FOXP2: variants seen among roughly 807,000 people sequenced by gnomAD.
FOXP2 encodes forkhead box P2.
Under a neutral mutation model 115.8 loss-of-function variants are expected in FOXP2, and 12 were observed. The ratio of observed to expected loss-of-function variants is 0.10; its 90% CI spans 0.07 to 0.17. FOXP2 has a LOEUF of 0.17. FOXP2 is among the 10% of genes least tolerant of loss of function. The pLI is 1.00. For missense variants in FOXP2, 629 were observed against 843.5 expected (o/e 0.75, Z 3.15); for synonymous variants, 328 against 297.7 (o/e 1.10, Z -1.05).
At chr7:114,443,395 G>A (rs1384511538) in intron 2 of FOXP2, among the ~76,000 whole-genome samples, 3 of 152,038 alleles carry the variant, frequency 2.0e-5, no homozygotes, top group Non-Finnish European at 4.4e-5. Flanking sequence ...CACTTGTACT[G>A]ACAATCACTT....
At chr7:114,140,867 C>T (rs1792188499) in intron 1 of FOXP2, among the ~76,000 whole-genome samples, 3 of 152,192 alleles carry the variant, frequency 2.0e-5, no homozygotes. Flanking sequence ...TCAGCCTCAG[C>T]ATTTTGTTCT....
chr7:114,177,608 T>G (rs983289821), intron 1 of FOXP2, among the ~76,000 whole-genome samples: 9 of 152,084 alleles, frequency 5.9e-5, no homozygotes, highest in Non-Finnish European at 1.2e-4. Context: ...GAGAGTTTCT[T>G]TAAGATTATA....
rs537492842 is a variant in FOXP2 at position 114,433,837 on chromosome 7, T to A, written c.168+7158T>A. Among the ~76,000 whole-genome samples, 7 of 152,120 alleles carry A rather than the reference T, an allele frequency of 4.6e-5. No individual in the cohort carries two copies. In the East Asian group the frequency reaches 1.3e-3, roughly 29 times the overall value. On this transcript the variant is annotated intron_variant, in intron 2 of 16. Coordinates refer to ENST00000350908, the MANE Select transcript of FOXP2 (RefSeq NM_014491.4). The stretch of plus-strand genomic sequence containing the variant: ...AAGTGATGATTCCTAGTTAAAAGAC[T>A]GGCTTACATGAATATTAGTCATTAA...
At chr7:114,442,069 T>G (rs1410924625) in intron 2 of FOXP2, among the ~76,000 whole-genome samples, 3 of 152,172 alleles carry the variant, frequency 2.0e-5, no homozygotes, top group Non-Finnish European at 4.4e-5. Context: ...GCAGCATTAC[T>G]TATAATAGCA....
At chr7:114,147,108 G>A (rs1201049000) in intron 1 of FOXP2, among the ~76,000 whole-genome samples, 3 of 152,140 alleles carry the variant, frequency 2.0e-5, no homozygotes, top group African/African-American at 7.2e-5. Context: ...GGTATGTGAA[G>A]ATTTGGATTT....
At chr7:114,126,947 T>A (rs1459519307) in intron 1 of FOXP2, among the ~76,000 whole-genome samples, 1 of 152,158 alleles carries the variant, frequency 6.6e-6, no homozygotes, top group South Asian at 2.1e-4. Context: ...TATCTCATAG[T>A]TTTTGGGGTT....
At chr7:114,192,925 A>AT (rs552917211) in intron 1 of FOXP2, among the ~76,000 whole-genome samples, 96 of 152,258 alleles carry the variant, frequency 6.3e-4, no homozygotes, top group African/African-American at 2.1e-3. Context: ...ATGATGTTTT[A>AT]TTTGCTTTAT....
intron 1 of FOXP2, among the ~76,000 whole-genome samples, chr7:114,211,382 A>T (rs1195168316): frequency 6.6e-6 from 1 of 152,176 alleles, no homozygotes; most frequent in Non-Finnish European, 1.5e-5. Context: ...GGTTGCAAAG[A>T]TCCACGGGAA....
At chr7:114,288,478 T>C (rs2129176040) in intron 2 of FOXP2, among the ~76,000 whole-genome samples, 1 of 151,932 alleles carries the variant, frequency 6.6e-6, no homozygotes, top group Non-Finnish European at 1.5e-5. Flanking sequence ...CTTTTCAGTA[T>C]TATTTTTTAA....
At chr7:114,145,165 GAAT>G (rs908381786) in intron 1 of FOXP2, among the ~76,000 whole-genome samples, 5 of 151,924 alleles carry the variant, frequency 3.3e-5, no homozygotes, top group African/African-American at 1.2e-4. Context: ...TGTACAGTAC[GAAT>G]AATAATAATA....
intron 6 of FOXP2, among the ~76,000 whole-genome samples, chr7:114,632,851 A>G (rs1273235080): frequency 6.6e-6 from 1 of 152,166 alleles, no homozygotes; most frequent in Admixed American, 6.6e-5. Flanking sequence ...GAATATTGGA[A>G]TAAATATTCT....
intron 3 of FOXP2, among the ~76,000 whole-genome samples, chr7:114,567,029 G>A (rs975148216): frequency 3.3e-4 from 50 of 151,666 alleles, no homozygotes; most frequent in Non-Finnish European, 6.0e-4. Context: ...TTTCTAAAAG[G>A]AAAAAAATAT....
At chr7:114,475,973 A>G (rs951356588) in intron 2 of FOXP2, among the ~76,000 whole-genome samples, 3 of 151,934 alleles carry the variant, frequency 2.0e-5, no homozygotes, top group Non-Finnish European at 2.9e-5. Flanking sequence ...TGTACCCCCT[A>G]TATCTAATGT....
At chr7:114,152,309 A>G (rs1436790320) in intron 1 of FOXP2, among the ~76,000 whole-genome samples, 4 of 152,154 alleles carry the variant, frequency 2.6e-5, no homozygotes, top group African/African-American at 9.7e-5. Flanking sequence ...ATAGTCTATT[A>G]TGTACACATC....
At chr7:114,152,579 C>T (rs1792555324) in intron 1 of FOXP2, among the ~76,000 whole-genome samples, 1 of 152,126 alleles carries the variant, frequency 6.6e-6, no homozygotes, top group South Asian at 2.1e-4. Context: ...GTAACAGTCT[C>T]TTGTGGTTGT....
intron 3 of FOXP2, among the ~76,000 whole-genome samples, chr7:114,560,618 C>T (rs527836344): frequency 9.2e-5 from 14 of 151,932 alleles, no homozygotes; most frequent in Admixed American, 5.9e-4. Flanking sequence ...CCTGTTCCCC[C>T]GCCTCCGCCA....
chr7:114,346,088 ACTC>A (rs959922398), intron 2 of FOXP2, among the ~76,000 whole-genome samples: 66 of 151,956 alleles, frequency 4.3e-4, no homozygotes, highest in African/African-American at 1.5e-3. Flanking sequence ...ACTGTATTGT[ACTC>A]CTATTATGCA....
At chr7:114,562,652 T>G (rs1584898484) in intron 3 of FOXP2, among the ~76,000 whole-genome samples, 1 of 152,218 alleles carries the variant, frequency 6.6e-6, no homozygotes, top group Non-Finnish European at 1.5e-5. Context: ...TTCATTCCTA[T>G]GTCTTCAGTC....
intron 2 of FOXP2, among the ~76,000 whole-genome samples, chr7:114,392,601 G>T (rs1178140660): frequency 1.3e-5 from 2 of 152,186 alleles, no homozygotes; most frequent in African/African-American, 2.4e-5. Flanking sequence ...TTTTCTGATA[G>T]AAATAAATAA....
Sources: gnomAD v4.1 joint callset for allele counts (sites outside exome capture counted in the v4.1 genomes callset) on GRCh38, gnomAD v4.1.1 for gene constraint, MANE v1.5 for transcripts, NCBI Gene and HGNC (gene_info 2026-07-23, HGNC 2026-07-21) for gene names.